Variants in DCUN1D4 observed in about 807,000 individuals in gnomAD.
DCUN1D4 encodes the protein defective in cullin neddylation 1 domain containing 4, also known as DCN1-like protein 4.
A neutral mutation model predicts 47.9 loss-of-function variants in DCUN1D4; 22 were observed. That is an observed-to-expected ratio of 0.46 (90% CI 0.33 to 0.66). The LOEUF (loss-of-function observed/expected upper bound fraction) is 0.66. DCUN1D4 is among the 30% of genes least tolerant of loss of function. The probability of loss-of-function intolerance (pLI) is 0.02; values close to 1 mark genes in which losing one functional copy is unlikely to be tolerated. For missense variants in DCUN1D4, 301 were observed against 340.8 expected (o/e 0.88, Z 0.92); for synonymous variants, 121 against 112.2 (o/e 1.08, Z -0.50).
At chr4:51,911,663 A>G (rs1349973145) in intron 9 of DCUN1D4, among the ~76,000 whole-genome samples, 1 of 152,194 alleles carries the variant, frequency 6.6e-6, no homozygotes, top group African/African-American at 2.4e-5. Context: ...GCAGACTGAC[A>G]ATATCTCCTT....
At chr4:51,848,477 C>T in intron 1 of DCUN1D4, 1 of 788,218 alleles carries the variant, frequency 1.3e-6, no homozygotes, top group Non-Finnish European at 1.5e-6. Context: ...AGTGAGATCA[C>T]TGAAAGTCTT....
At chr4:51,891,164 G>A (rs1057151399) in intron 6 of DCUN1D4, among the ~76,000 whole-genome samples, 1 of 152,214 alleles carries the variant, frequency 6.6e-6, no homozygotes, top group Admixed American at 6.5e-5. Flanking sequence ...ACCTTGTTAT[G>A]TTTTAATACA....
At chr4:51,909,388 G>A (rs917050439) in intron 8 of DCUN1D4, 6 of 183,450 alleles carry the variant, frequency 3.3e-5, no homozygotes, top group African/African-American at 9.4e-5. Context: ...CAGTTTACTC[G>A]TTTATCTTGT....
chr4:51,871,784 G>C (rs1231300858), intron 3 of DCUN1D4, among the ~76,000 whole-genome samples: 1 of 152,204 alleles, frequency 6.6e-6, no homozygotes, highest in Non-Finnish European at 1.5e-5. Context: ...ATAAATCTTT[G>C]TTTTTGTATG....
chr4:51,844,157 G>T (rs1025627130), intron 1 of DCUN1D4, among the ~76,000 whole-genome samples: 1 of 150,592 alleles, frequency 6.6e-6, no homozygotes, highest in African/African-American at 2.5e-5. Context: ...AGGAAGGGGA[G>T]GTGGGGCGGA....
At chr4:51,882,915 T>C (rs1029860683) in intron 5 of DCUN1D4, among the ~76,000 whole-genome samples, 2 of 152,136 alleles carry the variant, frequency 1.3e-5, no homozygotes, top group African/African-American at 2.4e-5. Context: ...CAATAAGCCA[T>C]ATCAGTAGAT....
intron 3 of DCUN1D4, chr4:51,865,055 T>G (rs1468797307): frequency 4.4e-6 from 1 of 225,914 alleles, no homozygotes; most frequent in Admixed American, 4.1e-5. Context: ...AAGTTTTAAT[T>G]CTTTCCAGTG....
the DCUN1D4 span, among the ~76,000 whole-genome samples, chr4:51,836,787 TC>T: frequency 2.0e-5 from 3 of 152,144 alleles, no homozygotes; most frequent in African/African-American, 7.2e-5. Flanking sequence ...CTGTCTGCCT[TC>T]CCCATCCACT....
intron 4 of DCUN1D4, among the ~76,000 whole-genome samples, chr4:51,875,694 A>G (rs762861144): frequency 3.3e-5 from 5 of 152,160 alleles, no homozygotes; most frequent in Non-Finnish European, 7.4e-5. Flanking sequence ...CTTTGTCTCG[A>G]CAGATTTCCC....
chr4:51,885,673 A>C (rs1560494433), intron 5 of DCUN1D4, among the ~76,000 whole-genome samples: 2 of 152,200 alleles, frequency 1.3e-5, no homozygotes, highest in African/African-American at 4.8e-5. Flanking sequence ...GAGTATGGTT[A>C]AAATTTCCTA....
intron 1 of DCUN1D4, chr4:51,845,051 C>G (rs1722312565): frequency 1.0e-6 from 1 of 985,500 alleles, no homozygotes. Flanking sequence ...TGAATTTCCC[C>G]CTGCATTTTG....
chr4:51,874,516 A>C, intron 4 of DCUN1D4, 131 bp downstream of exon 4: 1 of 500,928 alleles, frequency 2.0e-6, no homozygotes. Context: ...CGATTTTTCA[A>C]AATGTAATTA....
chr4:51,862,573 A>C (rs1725239329), intron 1 of DCUN1D4, among the ~76,000 whole-genome samples: 1 of 152,208 alleles, frequency 6.6e-6, no homozygotes. Flanking sequence ...GGTCATTTTC[A>C]TACTAACCTT....
At chr4:51,866,598 CT>C (rs1311647301) in intron 3 of DCUN1D4, among the ~76,000 whole-genome samples, 1 of 152,040 alleles carries the variant, frequency 6.6e-6, no homozygotes, top group East Asian at 1.9e-4. Context: ...TACACTTATG[CT>C]TATATGTTTA....
chr4:51,896,558 G>A (rs1307889178), intron 7 of DCUN1D4, among the ~76,000 whole-genome samples: 3 of 151,612 alleles, frequency 2.0e-5, no homozygotes, highest in South Asian at 2.1e-4. Context: ...GACCCTCTCC[G>A]ATTATTATTA....
chr4:51,912,236 G>A (rs1733818850), intron 9 of DCUN1D4, among the ~76,000 whole-genome samples: 1 of 152,158 alleles, frequency 6.6e-6, no homozygotes, highest in Non-Finnish European at 1.5e-5. Context: ...CCTGTTCTCA[G>A]AGAGTTTAGC....
intron 8 of DCUN1D4, among the ~76,000 whole-genome samples, chr4:51,910,303 G>A (rs1334764259): frequency 6.6e-6 from 1 of 152,152 alleles, no homozygotes; most frequent in East Asian, 1.9e-4. Context: ...AATTGCAAAT[G>A]TAAGTGGAAT....
chr4:51,845,945 T>C (rs560691736), intron 1 of DCUN1D4, among the ~76,000 whole-genome samples: 3 of 152,194 alleles, frequency 2.0e-5, no homozygotes, highest in East Asian at 1.9e-4. Context: ...CTTGGTAATA[T>C]AAAAATATGT....
upstream of DCUN1D4, among the ~76,000 whole-genome samples, chr4:51,842,645 G>T (rs1037001188): frequency 1.3e-5 from 2 of 152,238 alleles, no homozygotes; most frequent in African/African-American, 4.8e-5. Context: ...ACAAGTGGCG[G>T]GAGACCCGGC....
Sources: allele counts gnomAD v4.1 joint callset (sites outside exome capture counted in the v4.1 genomes callset), GRCh38; gene constraint gnomAD v4.1.1; transcripts MANE v1.5; gene names NCBI Gene and HGNC (gene_info 2026-07-23, HGNC 2026-07-21).